Variants in STK3 observed in about 807,000 individuals in gnomAD.
The protein encoded by STK3 is serine/threonine kinase 3.
STK3 carries 41 observed loss-of-function variants against 58.0 expected under a neutral mutation model. The ratio of observed to expected loss-of-function variants is 0.71; its 90% CI spans 0.55 to 0.92. The LOEUF (loss-of-function observed/expected upper bound fraction) is 0.92, where lower values mean the gene tolerates loss of function less well. Ranked by LOEUF, STK3 falls within the 40% of genes least tolerant of loss-of-function variation. STK3 has a pLI of 0.00. For missense variants in STK3, 479 were observed against 602.7 expected (o/e 0.79, Z 2.15); for synonymous variants, 170 against 191.0 (o/e 0.89, Z 0.91).
At chr8:98,355,114 A>G in the STK3 span, among the ~76,000 whole-genome samples, 1 of 151,940 alleles carries the variant, frequency 6.6e-6, no homozygotes, top group Non-Finnish European at 1.5e-5. Flanking sequence ...AATCTTCCAG[A>G]CTCTCAATGC....
At chr8:98,665,647 A>T (rs1369380384) in intron 6 of STK3, among the ~76,000 whole-genome samples, 4 of 151,536 alleles carry the variant, frequency 2.6e-5, no homozygotes, top group Non-Finnish European at 5.9e-5. Flanking sequence ...CTCCTACCTC[A>T]GCCTCCCAAA....
At chr8:98,930,561 TTGTC>T (rs575114188) in intron 1 of STK3, among the ~76,000 whole-genome samples, 2 of 152,346 alleles carry the variant, frequency 1.3e-5, no homozygotes, top group East Asian at 1.9e-4. Context: ...GAAACAATGA[TTGTC>T]TGTCCTCTCA....
Position 98,904,745 on chromosome 8 carries a change from G to A in STK3, c.-78-20911C>T. 9.7e-6 allele frequency: 8 copies of A among 826,626 alleles called. No homozygotes were observed. The South Asian group carries it at 1.0e-4, about 11-fold the overall frequency. 51.2% of individuals were successfully genotyped at this position (826,626 alleles called of 1,614,324 possible). Reference sequence around the variant, plus strand: ...GCCCTCTCCAACTGTGGGGAGCATGGCTGCAGCATGACGCGGTTCCACAAT... The same window carrying A: ...GCCCTCTCCAACTGTGGGGAGCATGACTGCAGCATGACGCGGTTCCACAAT... On this transcript the variant is annotated intron_variant, in intron 1 of 1. Transcript: ENST00000519420.
At chr8:98,693,785 G>A (rs1032146205) in intron 6 of STK3, among the ~76,000 whole-genome samples, 2 of 152,216 alleles carry the variant, frequency 1.3e-5, no homozygotes, top group African/African-American at 2.4e-5. Context: ...TGTGTTGGGT[G>A]TGGTATTACT....
intron 1 of STK3, among the ~76,000 whole-genome samples, chr8:98,917,605 G>A (rs1316685200): frequency 6.6e-6 from 1 of 152,170 alleles, no homozygotes; most frequent in African/African-American, 2.4e-5. Context: ...GGACCAGAAA[G>A]AGGCCCTCAT....
At chr8:98,880,117 G>A (rs1249919752), downstream of STK3, 4 of 152,288 alleles carry the variant, frequency 2.6e-5, no homozygotes, top group East Asian at 7.7e-4. Context: ...AGTTAGCCAG[G>A]TGTGGTGGTA....
chr8:98,904,731 C>T (rs1838820598), intron 1 of STK3: 1 of 830,970 alleles, frequency 1.2e-6, no homozygotes, highest in Middle Eastern at 2.5e-4. Context: ...CCCTCTCCAA[C>T]TGTGGGGAGC....
chr8:98,858,930 A>G (rs182433414), intron 3 of STK3, among the ~76,000 whole-genome samples: 1 of 151,308 alleles, frequency 6.6e-6, no homozygotes, highest in East Asian at 1.9e-4. Context: ...ATCTCTGCAC[A>G]CTGGCAGCAA....
At chr8:98,798,351 A>T (rs1833312314) in intron 1 of STK3, among the ~76,000 whole-genome samples, 1 of 152,246 alleles carries the variant, frequency 6.6e-6, no homozygotes, top group Non-Finnish European at 1.5e-5. Flanking sequence ...CTGACTTGGC[A>T]AACACAATAT....
chr8:98,666,651 G>C (rs1370442318), intron 6 of STK3, among the ~76,000 whole-genome samples: 1 of 152,084 alleles, frequency 6.6e-6, no homozygotes, highest in African/African-American at 2.4e-5. Context: ...TCTGATGAAG[G>C]AAATTATCAA....
chr8:98,698,437 T>A (rs1825198042), intron 6 of STK3, among the ~76,000 whole-genome samples: 1 of 152,216 alleles, frequency 6.6e-6, no homozygotes, highest in African/African-American at 2.4e-5. Context: ...GCTCGTTAGT[T>A]GATACAGTTT....
chr8:98,741,321 C>A (rs1276012783), intron 4 of STK3, among the ~76,000 whole-genome samples: 3 of 152,150 alleles, frequency 2.0e-5, no homozygotes, highest in African/African-American at 7.2e-5. Flanking sequence ...CACACCTGTT[C>A]CAAAATTGAC....
chr8:98,417,532 T>C (rs532931197), intron 3 of STK3, among the ~76,000 whole-genome samples: 5 of 151,352 alleles, frequency 3.3e-5, no homozygotes, highest in East Asian at 3.9e-4. Flanking sequence ...AATAAATAAA[T>C]AAACAAACAA....
chr8:98,710,395 A>G (rs1165665067), intron 4 of STK3, among the ~76,000 whole-genome samples: 4 of 152,186 alleles, frequency 2.6e-5, no homozygotes, highest in African/African-American at 7.2e-5. Flanking sequence ...TTCCTAGTCA[A>G]AGAAAGGGGT....
chr8:98,583,405 A>C (rs1418023984), intron 7 of STK3, among the ~76,000 whole-genome samples: 1 of 151,684 alleles, frequency 6.6e-6, no homozygotes, highest in Non-Finnish European at 1.5e-5. Flanking sequence ...ATTTCTTTCC[A>C]AGTGATTTTT....
At chr8:98,458,587 C>T (rs1819686833) in intron 10 of STK3, among the ~76,000 whole-genome samples, 2 of 152,114 alleles carry the variant, frequency 1.3e-5, no homozygotes, top group African/African-American at 4.8e-5. Context: ...GCTGTGTCCC[C>T]ACCCAAATCT....
chr8:98,644,773 T>C (rs1169269615), intron 6 of STK3, among the ~76,000 whole-genome samples: 2 of 152,212 alleles, frequency 1.3e-5, no homozygotes, highest in African/African-American at 2.4e-5. Flanking sequence ...TGTTTTAATA[T>C]CATCCCTACA....
At chr8:98,557,303 C>T (rs1376758247) in intron 8 of STK3, among the ~76,000 whole-genome samples, 6 of 151,952 alleles carry the variant, frequency 3.9e-5, no homozygotes, top group Non-Finnish European at 7.4e-5. Context: ...TTGTATGTCT[C>T]GAATCATGTA....
In STK3 at chr8:98,715,246, C is replaced by T. The variant is rs536243838; in HGVS notation, c.352-7935G>A. Among the ~76,000 whole-genome samples the T allele has an allele frequency of 7.8e-4, 119 of 152,170 alleles. 1 individual carries two copies. The highest frequency in any genetic ancestry group is 2.6e-3 in the African/African-American group (110 of 41,522). On this transcript the variant is annotated intron_variant, in intron 4 of 10. Coordinates refer to ENST00000419617, the MANE Select transcript of STK3 (RefSeq NM_006281.4). ...GGTAAGGACTTCATGTCTAAAACAC[C>T]AAAAGCAATGGCAACGAAAGCCAAA... is the stretch of plus-strand genomic sequence containing the variant.
Sources: allele counts gnomAD v4.1 joint callset (sites outside exome capture counted in the v4.1 genomes callset), GRCh38; gene constraint gnomAD v4.1.1; transcripts MANE v1.5; gene names NCBI Gene and HGNC (gene_info 2026-07-23, HGNC 2026-07-21).